Variants in NSL1 observed in about 807,000 individuals in gnomAD.
The protein encoded by NSL1 is kinetochore-associated protein NSL1 homolog.
A neutral mutation model predicts 25.4 loss-of-function variants in NSL1; 11 were observed. The observed-to-expected ratio is 0.43, with a 90% CI of 0.27 to 0.72. The LOEUF is 0.72. Among genes scored for constraint, NSL1 ranks in the 30% least tolerant of loss-of-function variants. NSL1 has a pLI of 0.19. For synonymous variants in NSL1, 118 were observed against 120.6 expected, an observed-to-expected ratio of 0.98 and a Z score of 0.14; for missense variants, 330 against 342.7, an observed-to-expected ratio of 0.96 and a Z score of 0.29.
chr1:212,738,636 C>A lies in NSL1; in HGVS notation c.618G>T (p.Arg206Ser). 6.2e-7 allele frequency: 1 copy of A among 1,614,110 alleles called. No individual in the cohort carries two copies. The highest frequency in any genetic ancestry group is 8.5e-7 in the Non-Finnish European group (1 of 1,180,004). The change falls in exon 6 of 6, where the codon AGG becomes AGT. Residue 206 changes from arginine to serine, a missense_variant. Arg to Ser is a moderately radical substitution (Grantham distance 110, BLOSUM62 -1). Coordinates refer to ENST00000366977, the MANE Select transcript of NSL1 (RefSeq NM_015471.4). The stretch of plus-strand genomic sequence containing the variant: ...TCTGGAGGTGGATAACAGGCTGCAT[C>A]CTGAGAACTTGGGAAAATCCCTCTC... ...EQGEGFSQVL[R>S]MQPVIHLQRI... is the part of the protein sequence containing the mutation.
Position 212,732,028 on chromosome 1 carries a change from ATT to A in NSL1, c.*6378_*6379del, listed in dbSNP as rs11342201. 44,252 of 895,092 alleles carry A rather than the reference ATT, an allele frequency of 0.049. No homozygotes were observed. Among genetic ancestry groups the A allele is most frequent in the Non-Finnish European group, 0.055 (41,494 of 753,912 alleles). 55.4% of individuals were successfully genotyped at this position (895,092 alleles called of 1,614,324 possible). ...TTAGCCTCCCAGTGTAACTGTCCCA[ATT>A]TTTTTTTTTTTTTTTTACTGAATTC... On this transcript the variant is annotated 3_prime_UTR_variant, in exon 6 of 6. Coordinates refer to ENST00000366977, the MANE Select transcript of NSL1 (RefSeq NM_015471.4).
intron 4 of NSL1, among the ~76,000 whole-genome samples, chr1:212,752,043 C>A (rs564997119): frequency 2.6e-5 from 4 of 152,278 alleles, no homozygotes; most frequent in Admixed American, 2.6e-4. Flanking sequence ...CCTCGTGACA[C>A]CACTACTTAC....
chr1:212,745,570 G>A (rs1658751316), intron 4 of NSL1, among the ~76,000 whole-genome samples: 1 of 152,154 alleles, frequency 6.6e-6, no homozygotes, highest in African/African-American at 2.4e-5. Flanking sequence ...TGGTTAAAGT[G>A]CTGAAAGACT....
At chr1:212,758,322 A>G (rs1015556797) in intron 4 of NSL1, among the ~76,000 whole-genome samples, 1 of 152,218 alleles carries the variant, frequency 6.6e-6, no homozygotes. Flanking sequence ...CTGCTCATCA[A>G]CAATGAATGT....
chr1:212,734,077 T>G lies in NSL1; in HGVS notation c.*4331A>C, dbSNP rs1571857965. 1.3e-5 allele frequency among the ~76,000 whole-genome samples: 2 copies of G among 152,154 alleles called. No individual in the cohort carries two copies. The highest frequency in any genetic ancestry group is 4.1e-4 in the South Asian group (2 of 4,836). Reference sequence around the variant, plus strand: ...TTTCATATTTTTAATTTTCAAAAACTTTTTCTTATTTACTGAACATTATTT... The same window carrying G: ...TTTCATATTTTTAATTTTCAAAAACGTTTTCTTATTTACTGAACATTATTT... On this transcript the variant is annotated 3_prime_UTR_variant, in exon 6 of 6. Coordinates refer to ENST00000366977, the MANE Select transcript of NSL1 (RefSeq NM_015471.4).
intron 4 of NSL1, among the ~76,000 whole-genome samples, chr1:212,777,898 C>T (rs144954170): frequency 6.6e-6 from 1 of 152,264 alleles, no homozygotes; most frequent in East Asian, 1.9e-4. Flanking sequence ...ATAAAATAAT[C>T]ACACTGCCCT....
In NSL1 at chr1:212,735,366, G is replaced by A; in HGVS notation, c.*3042C>T. The stretch of plus-strand genomic sequence containing the variant: ...ATGAATAAATGAATGAAGGTGGATA[G>A]AGAAGATAGGTGTTCACCAGAAATC... On this transcript the variant is annotated 3_prime_UTR_variant, in exon 6 of 6. Coordinates refer to ENST00000366977, the MANE Select transcript of NSL1 (RefSeq NM_015471.4). 1.0e-6 allele frequency: 1 copy of A among 985,466 alleles called. No individual in the cohort carries two copies. Among genetic ancestry groups the A allele is most frequent in the Non-Finnish European group, 1.2e-6 (1 of 829,932 alleles). 61.0% of individuals were successfully genotyped at this position (985,466 alleles called of 1,614,324 possible).
rs1322297094 is a variant in NSL1, at chr1:212,737,384, T to G, written c.*1024A>C. On this transcript the variant is annotated 3_prime_UTR_variant, in exon 6 of 6. Transcript: ENST00000366977. ...TTTTCCAACCTCATGATCAGTAAAT[T>G]CCTTTGAAAAATGAATGAAGGTATC... 1.0e-6 allele frequency: 1 copy of G among 984,558 alleles called. No homozygotes were observed. Among genetic ancestry groups the G allele is most frequent in the Non-Finnish European group, 1.2e-6 (1 of 829,266 alleles). 61.0% of individuals were successfully genotyped at this position (984,558 alleles called of 1,614,324 possible).
intron 1 of NSL1, 45 bp downstream of exon 1, chr1:212,791,485 G>A (rs1385071675): frequency 5.3e-6 from 8 of 1,522,200 alleles, no homozygotes; most frequent in Non-Finnish European, 6.3e-6. Context: ...CCTGGGTGTT[G>A]GGTAAGAGGA....
chr1:212,746,649 A>G (rs1295551195), intron 4 of NSL1, among the ~76,000 whole-genome samples: 1 of 152,252 alleles, frequency 6.6e-6, no homozygotes, highest in Non-Finnish European at 1.5e-5. Flanking sequence ...CTTTAGATCC[A>G]AAGACAAACA....
chr1:212,764,139 T>C (rs917726248), intron 4 of NSL1: 4 of 243,402 alleles, frequency 1.6e-5, no homozygotes, highest in Non-Finnish European at 3.4e-5. Context: ...CTCAAAATTA[T>C]ACAAATACAT....
chr1:212,728,456 A>G lies in NSL1; in HGVS notation c.*9952T>C. The G allele has an allele frequency of 1.0e-6, 1 of 985,390 alleles. No individual in the cohort carries two copies. The highest frequency in any genetic ancestry group is 1.2e-6 in the Non-Finnish European group (1 of 829,920). 61.0% of individuals were successfully genotyped at this position (985,390 alleles called of 1,614,324 possible). On this transcript the variant is annotated 3_prime_UTR_variant, in exon 6 of 6. Coordinates refer to ENST00000366977, the MANE Select transcript of NSL1 (RefSeq NM_015471.4). ...CTCAATCTCTTCCTTTTCTTTGGGT[A>G]ATCTTTTATCTTGAACTACCAAGAG...
chr1:212,780,062 G>A (rs1372385086), intron 4 of NSL1, among the ~76,000 whole-genome samples: 2 of 151,814 alleles, frequency 1.3e-5, no homozygotes. Context: ...GGAATAGAAA[G>A]GGGGGAAAGG....
intron 4 of NSL1, 84 bp downstream of exon 4, chr1:212,782,288 G>A (rs2102401744): frequency 1.1e-6 from 1 of 938,678 alleles, no homozygotes; most frequent in East Asian, 2.4e-5. Context: ...TATCCTTGAT[G>A]CTGACCCTTT....
rs964647836 is a variant in NSL1, at chr1:212,736,550, T to C, written c.*1858A>G. 7 of 984,676 alleles carry C rather than the reference T, an allele frequency of 7.1e-6. No homozygotes were observed. In the African/African-American group the frequency reaches 1.2e-4, roughly 17 times the overall value. The allele number at this position is 984,676 out of a possible 1,614,324, so 61.0% of individuals were successfully genotyped here. On this transcript the variant is annotated 3_prime_UTR_variant, in exon 6 of 6. Transcript: ENST00000366977. ...ATATTATTACTGCTATTGGTCATGC[T>C]TTTCTTAGTTAATAATGCTAATACG...
intron 5 of NSL1, among the ~76,000 whole-genome samples, chr1:212,739,036 T>C (rs1571863322): frequency 1.3e-5 from 2 of 152,326 alleles, no homozygotes; most frequent in East Asian, 3.9e-4. Context: ...GTGCTTGGAT[T>C]ACAGGTGTAA....
At chr1:212,787,117 T>C (rs1403511695) in intron 2 of NSL1, among the ~76,000 whole-genome samples, 1 of 151,192 alleles carries the variant, frequency 6.6e-6, no homozygotes, top group African/African-American at 2.4e-5. Flanking sequence ...GAACTGAGAC[T>C]GTGTCATTGC....
rs1657870913 is a variant in NSL1, at chr1:212,728,333, C to T, written c.*10075G>A. 1 of 985,018 alleles carries T rather than the reference C, an allele frequency of 1.0e-6. No individual in the cohort carries two copies. The highest frequency in any genetic ancestry group is 4.7e-5 in the South Asian group (1 of 21,278). The allele number at this position is 985,018 out of a possible 1,614,324, so 61.0% of individuals were successfully genotyped here. A position where few individuals can be genotyped will look rare whatever the true frequency, so the allele number is the denominator to read the frequency against. On this transcript the variant is annotated 3_prime_UTR_variant, in exon 6 of 6. Transcript: ENST00000366977. ...GGCATAAAGTGGATTCTTTATATGC[C>T]TGTTTTAAAAATATGCTGCTTTAAA...
At position 212,760,147 on chromosome 1, in the gene NSL1, C is replaced by T. The variant is rs1659496947; in HGVS notation, c.500-20546G>A. On this transcript the variant is annotated intron_variant, in intron 4 of 5. Coordinates refer to ENST00000366977, the MANE Select transcript of NSL1 (RefSeq NM_015471.4). The surrounding 1 kb of genome is among the most constrained non-coding windows in gnomAD (Gnocchi z 4.3). ...CCCCGCCAGCTGCTTCTGGGGCACA[C>T]ACACACACACACCATAAGGGAGCTT... Among the ~76,000 whole-genome samples the T allele has an allele frequency of 6.6e-6, 1 of 151,938 alleles. No individual in the cohort carries two copies. The highest frequency in any genetic ancestry group is 1.5e-5 in the Non-Finnish European group (1 of 67,988).
Sources: gnomAD v4.1 joint callset for allele counts (sites outside exome capture counted in the v4.1 genomes callset) on GRCh38, gnomAD v4.1.1 for gene constraint, Gnocchi (gnomAD v3.1) non-coding constraint, MANE v1.5 for transcripts, NCBI Gene and HGNC (gene_info 2026-07-23, HGNC 2026-07-21) for gene names.